PPARG: variants seen among roughly 807,000 people sequenced by gnomAD.
The protein encoded by PPARG is peroxisome proliferator-activated receptor gamma.
PPARG carries 17 observed loss-of-function variants against 39.2 expected under a neutral mutation model. The observed-to-expected ratio is 0.43, with a 90% CI of 0.30 to 0.65. The LOEUF (loss-of-function observed/expected upper bound fraction) is 0.65. PPARG is among the 30% of genes least tolerant of loss of function. The pLI is 0.13. For synonymous variants in PPARG, 223 were observed against 215.7 expected (o/e 1.03, Z -0.30); for missense variants, 406 against 585.9 (o/e 0.69, Z 3.17).
At chr3:12,379,620 C>G in intron 2 of PPARG, 84 bp from the exon 3 acceptor site, 1 of 1,317,654 alleles carries the variant, frequency 7.6e-7, no homozygotes, top group Non-Finnish European at 1.1e-6. Context: ...GCCAAAGACT[C>G]TTTTCATTTC....
intron 7 of PPARG, among the ~76,000 whole-genome samples, chr3:12,421,448 A>G (rs4135290): frequency 9.5e-4 from 144 of 152,138 alleles, no homozygotes; most frequent in Middle Eastern, 6.8e-3. Flanking sequence ...CCCAAAACCT[A>G]CCCAGCAGCC....
chr3:12,420,887 G>A (rs1169439455), intron 7 of PPARG, among the ~76,000 whole-genome samples: 1 of 152,128 alleles, frequency 6.6e-6, no homozygotes, highest in African/African-American at 2.4e-5. Flanking sequence ...AGTTCTTCTC[G>A]AGTCTTTCTC....
intron 1 of PPARG, among the ~76,000 whole-genome samples, chr3:12,303,973 C>T (rs1242461246): frequency 6.6e-6 from 1 of 152,232 alleles, no homozygotes; most frequent in Non-Finnish European, 1.5e-5. Context: ...CTTGGAATTA[C>T]AGTTACCTAA....
intron 6 of PPARG, among the ~76,000 whole-genome samples, chr3:12,413,055 CA>C (rs2050934506): frequency 6.6e-6 from 1 of 151,934 alleles, no homozygotes; most frequent in Admixed American, 6.6e-5. Context: ...GTAAAAAATA[CA>C]AAAAAACAGC....
intron 2 of PPARG, among the ~76,000 whole-genome samples, chr3:12,364,541 A>G (rs975732562): frequency 6.6e-6 from 1 of 152,152 alleles, no homozygotes; most frequent in Admixed American, 6.5e-5. Flanking sequence ...TGTGGACTTA[A>G]GTTTTCAATT....
intron 6 of PPARG, among the ~76,000 whole-genome samples, chr3:12,411,792 C>T (rs565933326): frequency 1.4e-4 from 19 of 134,584 alleles, no homozygotes; most frequent in African/African-American, 3.8e-4. Flanking sequence ...CAGAAACCAA[C>T]GAGAGGCTGA....
chr3:12,387,260 G>T (rs1363125654), intron 4 of PPARG, among the ~76,000 whole-genome samples: 1 of 152,132 alleles, frequency 6.6e-6, no homozygotes, highest in African/African-American at 2.4e-5. Context: ...GGGTCAAATG[G>T]TATTTCTAGT....
At chr3:12,369,203 C>T (rs6801982) in intron 2 of PPARG, among the ~76,000 whole-genome samples, 5 of 152,064 alleles carry the variant, frequency 3.3e-5, no homozygotes, top group Admixed American at 1.3e-4. Flanking sequence ...AACATACTTA[C>T]ATTAATGGCC....
chr3:12,399,413 G>A, intron 5 of PPARG: 2 of 456,298 alleles, frequency 4.4e-6, no homozygotes, highest in Non-Finnish European at 4.4e-6. Flanking sequence ...GCACAAGTTG[G>A]TTTTTCTCCC....
chr3:12,373,708 A>G (rs1020697332), intron 2 of PPARG, among the ~76,000 whole-genome samples: 7 of 152,190 alleles, frequency 4.6e-5, no homozygotes, highest in Non-Finnish European at 1.0e-4. Flanking sequence ...AAGATAGAAT[A>G]ATAAGATGCT....
At chr3:12,332,197 C>T (rs1488512631) in intron 2 of PPARG, among the ~76,000 whole-genome samples, 2 of 152,070 alleles carry the variant, frequency 1.3e-5, no homozygotes, top group Non-Finnish European at 2.9e-5. Flanking sequence ...AACCAAAAAG[C>T]CCTTTTTATT....
At chr3:12,373,552 A>T (rs937623761) in intron 2 of PPARG, among the ~76,000 whole-genome samples, 1 of 152,200 alleles carries the variant, frequency 6.6e-6, no homozygotes, top group African/African-American at 2.4e-5. Context: ...AAGTCTTAAC[A>T]AAACTAAACT....
chr3:12,330,343 A>G (rs1199691011), intron 2 of PPARG, among the ~76,000 whole-genome samples: 1 of 147,482 alleles, frequency 6.8e-6, no homozygotes, highest in East Asian at 2.0e-4. Flanking sequence ...TTAGGTGTCA[A>G]GTGTTATCTC....
rs2051090467 is a variant in PPARG at position 12,417,126 on chromosome 3, A to G, written c.1152A>G (p.Ile384Met). 6.2e-7 allele frequency: 1 copy of G among 1,613,916 alleles called. No homozygotes were observed. Among genetic ancestry groups the G allele is most frequent in the South Asian group, 1.1e-5 (1 of 91,084 alleles). The change falls in exon 7 of 8, where the codon ATA becomes ATG. Residue 384 changes from isoleucine (I) to methionine (M), a missense_variant. Around this residue, in one of 2 missense-constraint regions of PPARG, gnomAD observed 275 missense variants for 458.0 expected, o/e 0.60. Transcript: ENST00000651735. ...AATTAGATGACAGCGACTTGGCAAT[A>G]TTTATTGCTGTCATTATTCTCAGTG... ...ALELDDSDLA[I>M]FIAVIILSGD...
intron 1 of PPARG, among the ~76,000 whole-genome samples, chr3:12,299,938 A>C (rs113487787): frequency 2.6e-5 from 4 of 152,202 alleles, no homozygotes; most frequent in African/African-American, 9.6e-5. Context: ...ATTACTTACT[A>C]TAGCTATTTT....
At chr3:12,382,187 G>A (rs2049696093) in intron 4 of PPARG, among the ~76,000 whole-genome samples, 1 of 152,050 alleles carries the variant, frequency 6.6e-6, no homozygotes, top group South Asian at 2.1e-4. Flanking sequence ...CCTTATTCCA[G>A]CATCAATGTG....
chr3:12,361,146 T>G lies in PPARG; in HGVS notation c.-8-18558T>G, dbSNP rs2048834486. ...ATTCTAATTTTAATCTCCCCTTTTC[T>G]GATGTCTAAAAAGTTAAACACTTTA... On this transcript the variant is annotated intron_variant, in intron 2 of 7. Transcript: ENST00000651735. Among the ~76,000 whole-genome samples, 3 of 152,246 alleles carry G rather than the reference T, an allele frequency of 2.0e-5. No individual in the cohort carries two copies. In the South Asian group the frequency reaches 6.2e-4, roughly 31 times the overall value.
chr3:12,326,023 T>G (rs531795211), intron 2 of PPARG, among the ~76,000 whole-genome samples: 2 of 152,260 alleles, frequency 1.3e-5, no homozygotes, highest in South Asian at 4.1e-4. Context: ...ACAAATTTAG[T>G]GATGCTGATG....
At chr3:12,329,166 CAAAA>C (rs35196430) in intron 2 of PPARG, among the ~76,000 whole-genome samples, 1 of 125,398 alleles carries the variant, frequency 8.0e-6, no homozygotes, top group Non-Finnish European at 1.7e-5. Context: ...ACTCAAAATG[CAAAA>C]AAAAAAAAAA....
Sources: gnomAD v4.1 joint callset for allele counts (sites outside exome capture counted in the v4.1 genomes callset) on GRCh38, gnomAD v4.1.1 for gene constraint, gnomAD v4.1.1 regional missense constraint, MANE v1.5 for transcripts, NCBI Gene and HGNC (gene_info 2026-07-23, HGNC 2026-07-21) for gene names.